The following LTBP2 variants were observed in gnomAD, a reference collection of about 807,000 sequenced individuals.
LTBP2 encodes the protein latent-transforming growth factor beta-binding protein 2.
Under a neutral mutation model 210.6 loss-of-function variants are expected in LTBP2, and 103 were observed. That is an observed-to-expected ratio of 0.49 (90% confidence interval 0.42 to 0.58). The LOEUF (loss-of-function observed/expected upper bound fraction) is 0.58. Among genes scored for constraint, LTBP2 ranks in the 20% least tolerant of loss-of-function variants. LTBP2 has a pLI of 0.00. For synonymous variants in LTBP2, 1,007 were observed against 1,015.0 expected, an observed-to-expected ratio of 0.99 and a Z score of 0.15; for missense variants, 2,313 against 2,494.5, an observed-to-expected ratio of 0.93 and a Z score of 1.55.
At position 74,552,316 on chromosome 14, in the gene LTBP2, C is replaced by T. The variant is rs143605551; in HGVS notation, c.1270G>A (p.Gly424Arg). 4 of 1,612,836 alleles carry T rather than the reference C, an allele frequency of 2.5e-6. No individual in the cohort carries two copies. The South Asian group carries it at 3.3e-5, about 13-fold the overall frequency. Residue 424 changes from glycine to arginine, a missense_variant, in exon 6 of 36, where the codon GGG (glycine) becomes AGG (arginine). Gly to Arg is a moderately radical substitution (Grantham distance 125). This residue lies in a region of LTBP2 where 1,867 missense variants were observed against 1,976.9 expected (regional missense o/e 0.94). Coordinates refer to ENST00000261978, the MANE Select transcript of LTBP2 (RefSeq NM_000428.3). The stretch of plus-strand genomic sequence containing the variant: ...GGGATAGGCAGGTGGCAGAACTTCC[C>T]GGTGGAGTTGGCGGGGCACCAGCAT... The part of the protein sequence containing the change: ...DECWCPANST[G>R]KFCHLPIPQP...
intron 30 of LTBP2, 148 bp downstream of exon 30, chr14:74,504,628 ACT>A (rs746635640): frequency 7.4e-5 from 56 of 757,082 alleles, no homozygotes; most frequent in Non-Finnish European, 1.2e-4. Context: ...TCCAGCTAAC[ACT>A]CTGCAGGGAG....
intron 3 of LTBP2, among the ~76,000 whole-genome samples, chr14:74,556,292 C>T (rs2087727997): frequency 6.6e-6 from 1 of 152,192 alleles, no homozygotes; most frequent in Non-Finnish European, 1.5e-5. Context: ...ACTACTTTTG[C>T]ATATTTTCTT....
intron 1 of LTBP2, among the ~76,000 whole-genome samples, chr14:74,609,382 C>A (rs947573665): frequency 7.2e-5 from 11 of 152,148 alleles, no homozygotes; most frequent in African/African-American, 2.7e-4. Flanking sequence ...GTTGTAGTGA[C>A]AATTCGCTTT....
rs2086998039 is a variant in LTBP2 at position 74,506,882 on chromosome 14, C to CGCGCAT, written c.3908-60_3908-59insATGCGC. 7.6e-6 allele frequency: 7 copies of CGCGCAT among 927,124 alleles called. No homozygotes were observed. In the Admixed American group the frequency reaches 1.2e-4, roughly 15 times the overall value. 57.4% of individuals were successfully genotyped at this position (927,124 alleles called of 1,614,324 possible). On this transcript the variant is annotated intron_variant, in intron 26 of 35. Transcript: ENST00000261978. ...GTGTGTGTGTGTGTGTGTGTGTGCG[C>CGCGCAT]GCGCGCGTGTGTGCTCACTCTCTCA...
At chr14:74,592,026 T>G (rs1175512860) in intron 2 of LTBP2, among the ~76,000 whole-genome samples, 1 of 152,228 alleles carries the variant, frequency 6.6e-6, no homozygotes, top group Non-Finnish European at 1.5e-5. Context: ...TGTTGGTACT[T>G]AAGATATTTT....
chr14:74,527,221 A>G, intron 13 of LTBP2, 126 bp downstream of exon 13: 1 of 1,253,708 alleles, frequency 8.0e-7, no homozygotes, highest in Admixed American at 2.0e-5. Context: ...TTCAAGTAAA[A>G]TCTAACAGAT....
intron 3 of LTBP2, among the ~76,000 whole-genome samples, chr14:74,560,370 C>G (rs1240369050): frequency 6.6e-6 from 1 of 152,232 alleles, no homozygotes. Context: ...AGATCCACCA[C>G]AGTCTGTTCT....
chr14:74,580,359 C>T (rs908215297), intron 3 of LTBP2, among the ~76,000 whole-genome samples: 10 of 152,322 alleles, frequency 6.6e-5, no homozygotes, highest in Non-Finnish European at 1.0e-4. Flanking sequence ...TGACTTCACA[C>T]TGGATTAGGG....
At chr14:74,605,562 G>A (rs1205659353) in intron 1 of LTBP2, among the ~76,000 whole-genome samples, 1 of 152,218 alleles carries the variant, frequency 6.6e-6, no homozygotes, top group African/African-American at 2.4e-5. Context: ...TTGTGGTGGT[G>A]ACAAGACCTC....
At chr14:74,523,459 G>A (rs1046196256) in intron 15 of LTBP2, among the ~76,000 whole-genome samples, 9 of 151,996 alleles carry the variant, frequency 5.9e-5, no homozygotes, top group Non-Finnish European at 1.3e-4. Flanking sequence ...TCCTAGAAAG[G>A]CCACTCAGGC....
chr14:74,553,923 C>CGTGTGTGTGTGTGTGT (rs34143485), intron 4 of LTBP2, among the ~76,000 whole-genome samples: 121 of 130,628 alleles, frequency 9.3e-4, no homozygotes, highest in Non-Finnish European at 1.1e-3. Flanking sequence ...AGCGGAGAAA[C>CGTGTGTGTGTGTGTGT]GTGTGTGTGT....
At chr14:74,532,851 AT>A (rs2087369603) in intron 9 of LTBP2, among the ~76,000 whole-genome samples, 1 of 152,148 alleles carries the variant, frequency 6.6e-6, no homozygotes, top group Non-Finnish European at 1.5e-5. Flanking sequence ...TTATTTATCT[AT>A]TTTTTGAGAC....
intron 8 of LTBP2, among the ~76,000 whole-genome samples, chr14:74,546,247 G>A (rs1354639094): frequency 6.6e-6 from 1 of 152,196 alleles, no homozygotes; most frequent in Admixed American, 6.5e-5. Context: ...ACTAGTGCCA[G>A]GGATGATCTA....
At chr14:74,544,366 T>C (rs946719758) in intron 8 of LTBP2, among the ~76,000 whole-genome samples, 3 of 152,160 alleles carry the variant, frequency 2.0e-5, no homozygotes, top group Non-Finnish European at 4.4e-5. Flanking sequence ...GCCGGGAGTT[T>C]CAGGCCCAAT....
At chr14:74,548,010 A>G (rs1277145266) in intron 8 of LTBP2, among the ~76,000 whole-genome samples, 1 of 151,986 alleles carries the variant, frequency 6.6e-6, no homozygotes, top group Non-Finnish European at 1.5e-5. Flanking sequence ...TTGGGTTGTT[A>G]AACTCTTCCC....
intron 10 of LTBP2, 152 bp from the exon 11 acceptor site, chr14:74,529,274 C>T (rs780335830): frequency 4.6e-5 from 41 of 890,104 alleles, no homozygotes; most frequent in South Asian, 2.4e-4. Context: ...CCTGCAAATG[C>T]TCACAAGAAC....
Position 74,541,332 on chromosome 14 carries a change from AG to A in LTBP2, c.1790-5333del, listed in dbSNP as rs1043294492. On this transcript the variant is annotated intron_variant, in intron 8 of 35. Coordinates refer to ENST00000261978, the MANE Select transcript of LTBP2 (RefSeq NM_000428.3). ...AGCTGTGTGGGCACTCAGTCAAAAT[AG>A]GAACAAATAAGAAGACCAAACACTC... is the stretch of plus-strand genomic sequence containing the variant. 1.5e-4 allele frequency among the ~76,000 whole-genome samples: 23 copies of A among 152,204 alleles called. 1 individual carries two copies. The highest frequency in any genetic ancestry group is 5.3e-4 in the African/African-American group (22 of 41,450).
In LTBP2 at chr14:74,522,760, C is replaced by T. The variant is rs182385355; in HGVS notation, c.2659+30G>A. The T allele has an allele frequency of 2.4e-3, 3,811 of 1,601,250 alleles. 97 individuals are homozygous for T. The Admixed American group carries it at 0.052, about 22-fold the overall frequency. On this transcript the variant is annotated intron_variant, in intron 16 of 35. Coordinates refer to ENST00000261978, the MANE Select transcript of LTBP2 (RefSeq NM_000428.3). ...CCCTGCTCCCATCTACCCCAGCCGC[C>T]AAGTAAGCCCAGGGCACCCAAGTGA...
At chr14:74,564,151 TTATATATATATTTATATATATATTTA>T in intron 3 of LTBP2, among the ~76,000 whole-genome samples, 2 of 8,806 alleles carry the variant, frequency 2.3e-4, no homozygotes, top group Admixed American at 2.2e-3. Flanking sequence ...ATATATATAT[TTATATATATATTTATATATATATTTA>T]TATATATATT....
Sources: allele counts gnomAD v4.1 joint callset (sites outside exome capture counted in the v4.1 genomes callset), GRCh38; gene constraint gnomAD v4.1.1; regional missense constraint gnomAD v4.1.1; transcripts MANE v1.5; gene names NCBI Gene and HGNC (gene_info 2026-07-23, HGNC 2026-07-21).